ZSWIM5: variants seen among roughly 807,000 people sequenced by gnomAD.
ZSWIM5 encodes the protein zinc finger SWIM domain-containing protein 5.
Under a neutral mutation model 119.6 loss-of-function variants are expected in ZSWIM5, and 55 were observed. That is an observed-to-expected ratio of 0.46 (90% confidence interval 0.37 to 0.58). The LOEUF (loss-of-function observed/expected upper bound fraction) is 0.58. ZSWIM5 is among the 20% of genes least tolerant of loss of function. ZSWIM5 has a pLI of 0.00. For missense variants in ZSWIM5, 1,193 were observed against 1,512.8 expected, an observed-to-expected ratio of 0.79 and a Z score of 3.51; for synonymous variants, 537 against 606.9, an observed-to-expected ratio of 0.88 and a Z score of 1.69.
At chr1:45,046,888 G>T (rs1009940472) in intron 5 of ZSWIM5, among the ~76,000 whole-genome samples, 1 of 151,748 alleles carries the variant, frequency 6.6e-6, no homozygotes, top group Non-Finnish European at 1.5e-5. Context: ...GTCAGGCGTG[G>T]TGGTGGGCAC....
intron 1 of ZSWIM5, among the ~76,000 whole-genome samples, chr1:45,141,351 G>C (rs976523788): frequency 6.6e-6 from 1 of 152,134 alleles, no homozygotes; most frequent in African/African-American, 2.4e-5. Flanking sequence ...AACAGAAAAG[G>C]GAAGCCTCAG....
At chr1:45,152,822 A>C (rs914793902) in intron 1 of ZSWIM5, among the ~76,000 whole-genome samples, 5 of 152,134 alleles carry the variant, frequency 3.3e-5, no homozygotes, top group Non-Finnish European at 1.5e-5. Flanking sequence ...CAGACAACCT[A>C]CAGAATGGGA....
Position 45,034,167 on chromosome 1 carries a change from T to C in ZSWIM5, c.2449+145A>G, listed in dbSNP as rs531799233. 3 of 1,037,354 alleles carry C rather than the reference T, an allele frequency of 2.9e-6. No homozygotes were observed. The African/African-American group carries it at 4.8e-5, about 17-fold the overall frequency. 64.3% of individuals were successfully genotyped at this position (1,037,354 alleles called of 1,614,324 possible). ...GCGCCTGGCCAGGTGCTCTTTCTAA[T>C]GGCAGCAATCAAAGTGAGGACCACT... is the stretch of plus-strand genomic sequence containing the variant. On this transcript the variant is annotated intron_variant, in intron 11 of 13. Transcript: ENST00000359600.
At chr1:45,163,892 C>T (rs1375136840) in intron 1 of ZSWIM5, among the ~76,000 whole-genome samples, 1 of 152,230 alleles carries the variant, frequency 6.6e-6, no homozygotes, top group Non-Finnish European at 1.5e-5. Flanking sequence ...TTGGAAAACA[C>T]TCTTCAGGAT....
At chr1:45,191,811 T>A (rs1217904027) in intron 1 of ZSWIM5, among the ~76,000 whole-genome samples, 1 of 152,208 alleles carries the variant, frequency 6.6e-6, no homozygotes, top group Non-Finnish European at 1.5e-5. Flanking sequence ...CCTTTCCTTT[T>A]TGTTTTATTG....
intron 1 of ZSWIM5, among the ~76,000 whole-genome samples, chr1:45,112,088 T>A (rs1302024194): frequency 6.6e-6 from 1 of 152,210 alleles, no homozygotes; most frequent in Admixed American, 6.5e-5. Flanking sequence ...TTGACACATG[T>A]ATGCACTCAC....
At chr1:45,127,782 T>A (rs187853643) in intron 1 of ZSWIM5, among the ~76,000 whole-genome samples, 1 of 152,172 alleles carries the variant, frequency 6.6e-6, no homozygotes, top group East Asian at 1.9e-4. Flanking sequence ...TCAGGTCACA[T>A]GACATAAGAT....
chr1:45,053,098 G>A (rs1299298926), intron 4 of ZSWIM5, among the ~76,000 whole-genome samples: 3 of 138,878 alleles, frequency 2.2e-5, no homozygotes, highest in African/African-American at 8.1e-5. Flanking sequence ...ACTCAAGCCT[G>A]AGCAACAAGA....
rs1415864858 is a variant in ZSWIM5, at chr1:45,112,988, G to A, written c.596-24751C>T. ...CAAGTGTGGCCTATTATAGGCTTGCGAGTCTGAATGCTTAATTGATTCTAA... is the reference window on the plus strand; with the variant it reads ...CAAGTGTGGCCTATTATAGGCTTGCAAGTCTGAATGCTTAATTGATTCTAA... On this transcript the variant is annotated intron_variant, in intron 1 of 13. Transcript: ENST00000359600. 3.9e-5 allele frequency among the ~76,000 whole-genome samples: 6 copies of A among 152,326 alleles called. No homozygotes were observed. In the South Asian group the frequency reaches 8.3e-4, roughly 21 times the overall value.
At chr1:45,179,847 A>G (rs760304025) in intron 1 of ZSWIM5, among the ~76,000 whole-genome samples, 7 of 152,178 alleles carry the variant, frequency 4.6e-5, no homozygotes, top group Non-Finnish European at 7.4e-5. Flanking sequence ...GAGTGGGTTC[A>G]ATGTAATCAC....
Position 45,192,506 on chromosome 1 carries a change from A to AAAGG in ZSWIM5, c.595+13246_595+13249dup, listed in dbSNP as rs143389807. ...ATTTCCTGTAGATAGAAAGACAGAG[A>AAAGG]AAGGAAGGAAGGAAGGAAGGAAAAT... On this transcript the variant is annotated intron_variant, in intron 1 of 13. Transcript: ENST00000359600. Among the ~76,000 whole-genome samples, 1,048 of 152,240 alleles carry AAAGG rather than the reference A, an allele frequency of 6.9e-3. 6 individuals carry two copies. The highest frequency in any genetic ancestry group is 0.01 in the Non-Finnish European group (708 of 67,974).
chr1:45,174,093 G>A lies in ZSWIM5; in HGVS notation c.595+31663C>T, dbSNP rs191934733. 7.4e-3 allele frequency among the ~76,000 whole-genome samples: 1,121 copies of A among 152,050 alleles called. 15 individuals carry two copies. The highest frequency in any genetic ancestry group is 0.01 in the Non-Finnish European group (687 of 67,964). ...AATTTGAGACCAGCCTGGCCAACAAGGTAAAACCCCATTTCTACAAAAAAT... is the reference window on the plus strand; with the variant it reads ...AATTTGAGACCAGCCTGGCCAACAAAGTAAAACCCCATTTCTACAAAAAAT... On this transcript the variant is annotated intron_variant, in intron 1 of 13. Coordinates refer to ENST00000359600, the MANE Select transcript of ZSWIM5 (RefSeq NM_020883.2).
intron 2 of ZSWIM5, among the ~76,000 whole-genome samples, chr1:45,087,542 T>C (rs149469059): frequency 1.9e-4 from 29 of 152,348 alleles, no homozygotes; most frequent in Non-Finnish European, 4.1e-4. Context: ...TGATACAAAT[T>C]ATTTTGTGCT....
chr1:45,058,105 A>C (rs549628783), intron 4 of ZSWIM5, among the ~76,000 whole-genome samples: 31 of 152,304 alleles, frequency 2.0e-4, no homozygotes, highest in African/African-American at 7.2e-4. Context: ...AACTCAGATG[A>C]GTAGAAAGAA....
chr1:45,118,765 A>G (rs1645574383), intron 1 of ZSWIM5, among the ~76,000 whole-genome samples: 1 of 151,752 alleles, frequency 6.6e-6, no homozygotes, highest in African/African-American at 2.4e-5. Context: ...AGAAAAGAAA[A>G]GAAAAGAAAA....
rs61788385 is a variant in ZSWIM5 at position 45,070,220 on chromosome 1, C to A, written c.953-9973G>T. 4.2e-4 allele frequency: 604 copies of A among 1,447,600 alleles called. 3 individuals are homozygous for A. The highest frequency in any genetic ancestry group is 4.9e-4 in the Non-Finnish European group (502 of 1,029,628). The allele number at this position is 1,447,600 out of a possible 1,614,324, so 89.7% of individuals were successfully genotyped here. On this transcript the variant is annotated intron_variant, in intron 2 of 13. Coordinates refer to ENST00000359600, the MANE Select transcript of ZSWIM5 (RefSeq NM_020883.2). Reference sequence around the variant, plus strand: ...CTTTGTAGGCCAAGAAAGCTACTGGCCTCTGATGCCCATGTTCATCAGTCA... The same window carrying A: ...CTTTGTAGGCCAAGAAAGCTACTGGACTCTGATGCCCATGTTCATCAGTCA...
intron 1 of ZSWIM5, among the ~76,000 whole-genome samples, chr1:45,181,326 G>A (rs1428079860): frequency 6.6e-6 from 1 of 152,032 alleles, no homozygotes; most frequent in African/African-American, 2.4e-5. Context: ...CTGGAAGAAA[G>A]GGTATCAGTG....
At chr1:45,046,009 T>C (rs1394986636) in intron 5 of ZSWIM5, among the ~76,000 whole-genome samples, 1 of 151,756 alleles carries the variant, frequency 6.6e-6, no homozygotes, top group African/African-American at 2.4e-5. Context: ...TTTGGAGTGT[T>C]TGAGAAGAGT....
At chr1:45,185,405 C>T (rs1256949073) in intron 1 of ZSWIM5, among the ~76,000 whole-genome samples, 1 of 151,830 alleles carries the variant, frequency 6.6e-6, no homozygotes, top group East Asian at 1.9e-4. Context: ...CAAATGGGAT[C>T]TAATTAAACG....
Sources: allele counts gnomAD v4.1 joint callset (sites outside exome capture counted in the v4.1 genomes callset), GRCh38; gene constraint gnomAD v4.1.1; transcripts MANE v1.5; gene names NCBI Gene and HGNC (gene_info 2026-07-23, HGNC 2026-07-21).